GTF2A1: variants seen among roughly 807,000 people sequenced by gnomAD.
GTF2A1 encodes the protein transcription initiation factor IIA subunit 1.
A neutral mutation model predicts 54.1 loss-of-function variants in GTF2A1; 12 were observed. The ratio of observed to expected loss-of-function variants is 0.22; its 90% CI spans 0.14 to 0.36. GTF2A1 has a LOEUF of 0.36. GTF2A1 is among the 10% of genes least tolerant of loss of function. The probability of loss-of-function intolerance (pLI) is 1.00; values close to 1 mark genes in which losing one functional copy is unlikely to be tolerated. For missense variants in GTF2A1, 335 were observed against 442.2 expected (o/e 0.76, Z 2.17); for synonymous variants, 145 against 152.0 (o/e 0.95, Z 0.34).
At chr14:81,202,430 T>A (rs1893133520) in intron 3 of GTF2A1, among the ~76,000 whole-genome samples, 1 of 152,100 alleles carries the variant, frequency 6.6e-6, no homozygotes, top group Non-Finnish European at 1.5e-5. Context: ...CATCAGCTGT[T>A]TAAAAAATAC....
chr14:81,181,602 T>C (rs560843814), intron 8 of GTF2A1, among the ~76,000 whole-genome samples: 1 of 152,312 alleles, frequency 6.6e-6, no homozygotes, highest in East Asian at 1.9e-4. Flanking sequence ...TGGAGTGCAA[T>C]GGCACGATCT....
At chr14:81,184,864 T>TA (rs1045084805) in intron 8 of GTF2A1, among the ~76,000 whole-genome samples, 12 of 152,124 alleles carry the variant, frequency 7.9e-5, no homozygotes, top group Middle Eastern at 3.4e-3. Flanking sequence ...ATGATTGCAA[T>TA]AAAAAAACTG....
In GTF2A1 at chr14:81,180,216, C is replaced by T; in HGVS notation, c.*7G>A. ...TCTTTTATTTATAAAAGAAAAAAAG[C>T]AACTCTTCACCATTCTGCATCTCCA... is the stretch of plus-strand genomic sequence containing the variant. On this transcript the variant is annotated 3_prime_UTR_variant, in exon 9 of 9. Coordinates refer to ENST00000553612, the MANE Select transcript of GTF2A1 (RefSeq NM_015859.4). 2.0e-6 allele frequency: 2 copies of T among 1,015,066 alleles called. No individual in the cohort carries two copies. The highest frequency in any genetic ancestry group is 2.4e-5 in the Admixed American group (1 of 41,630). 62.9% of individuals were successfully genotyped at this position (1,015,066 alleles called of 1,614,324 possible).
chr14:81,192,890 T>C, intron 6 of GTF2A1, 51 bp from the exon 7 acceptor site: 1 of 1,011,726 alleles, frequency 9.9e-7, no homozygotes, highest in South Asian at 1.4e-5. Context: ...GGATCAAGTA[T>C]GGTACACAGA....
intron 8 of GTF2A1, among the ~76,000 whole-genome samples, chr14:81,182,282 C>T (rs891215339): frequency 3.3e-5 from 5 of 152,190 alleles, no homozygotes; most frequent in Admixed American, 3.3e-4. Context: ...TCTAAATACA[C>T]TACATAAATG....
At chr14:81,192,359 C>G (rs373391234) in intron 7 of GTF2A1, among the ~76,000 whole-genome samples, 160 bp downstream of exon 7, 1 of 151,982 alleles carries the variant, frequency 6.6e-6, no homozygotes, top group African/African-American at 2.4e-5. Flanking sequence ...AATATAAAAA[C>G]CTTACTAAAG....
intron 2 of GTF2A1, among the ~76,000 whole-genome samples, chr14:81,210,993 A>T (rs915180682): frequency 4.6e-5 from 7 of 152,194 alleles, no homozygotes; most frequent in Non-Finnish European, 1.0e-4. Context: ...GTGTTGACTA[A>T]TAACTAAAAC....
rs1465484426 is a variant in GTF2A1, at chr14:81,220,737, T to G, written c.-219A>C. 1.0e-5 allele frequency: 2 copies of G among 194,128 alleles called. No individual in the cohort carries two copies. Among genetic ancestry groups the G allele is most frequent in the Admixed American group, 1.4e-4 (2 of 14,558 alleles). 12.0% of individuals were successfully genotyped at this position (194,128 alleles called of 1,614,324 possible). ...CAGCTGAAAACCTCGAGAATCGCCTTAAAAAAAAAAAAAAAGCCACGACCC... is the reference window on the plus strand; with the variant it reads ...CAGCTGAAAACCTCGAGAATCGCCTGAAAAAAAAAAAAAAAGCCACGACCC... On this transcript the variant is annotated 5_prime_UTR_variant, in exon 1 of 9. Transcript: ENST00000553612.
Position 81,179,372 on chromosome 14 carries a change from A to C in GTF2A1, c.*851T>G, listed in dbSNP as rs780234643. On this transcript the variant is annotated 3_prime_UTR_variant, in exon 9 of 9. Transcript: ENST00000553612. ...GTCTACATATATTCATGTGTATACAATTTCAGCTAGATGGTATGCTTGCAA... is the reference window on the plus strand; with the variant it reads ...GTCTACATATATTCATGTGTATACACTTTCAGCTAGATGGTATGCTTGCAA... The C allele has an allele frequency of 6.6e-6, 1 of 152,200 alleles. No homozygotes were observed. The highest frequency in any genetic ancestry group is 1.5e-5 in the Non-Finnish European group (1 of 68,030). The allele number at this position is 152,200 out of a possible 1,614,324, so 9.4% of individuals were successfully genotyped here.
chr14:81,175,957 AAC>A lies in GTF2A1; in HGVS notation c.*4264_*4265del, dbSNP rs1280495524. ...TTAAAAGCTAGTATTAATCATTTGT[AAC>A]ACAGTTTACTAATTCAAATTGACAT... On this transcript the variant is annotated 3_prime_UTR_variant, in exon 9 of 9. Coordinates refer to ENST00000553612, the MANE Select transcript of GTF2A1 (RefSeq NM_015859.4). 1 of 152,316 alleles carries A rather than the reference AAC, an allele frequency of 6.6e-6. No individual in the cohort carries two copies. Among genetic ancestry groups the A allele is most frequent in the African/African-American group, 2.4e-5 (1 of 41,580 alleles). The allele number at this position is 152,316 out of a possible 1,614,324, so 9.4% of individuals were successfully genotyped here. A position where few individuals can be genotyped will look rare whatever the true frequency, so the allele number is the denominator to read the frequency against.
chr14:81,211,714 A>C (rs1595229220), intron 2 of GTF2A1, among the ~76,000 whole-genome samples: 1 of 151,952 alleles, frequency 6.6e-6, no homozygotes, highest in South Asian at 2.1e-4. Flanking sequence ...CTACTTTCAC[A>C]AAACATCTAG....
intron 3 of GTF2A1, among the ~76,000 whole-genome samples, 155 bp from the exon 4 acceptor site, chr14:81,201,813 T>C (rs766321210): frequency 4.6e-5 from 7 of 152,174 alleles, no homozygotes; most frequent in Non-Finnish European, 7.3e-5. Flanking sequence ...ACATTATAAA[T>C]GTATATGGCA....
rs1892610463 is a variant in GTF2A1 at position 81,180,191 on chromosome 14, T to G, written c.*32A>C. On this transcript the variant is annotated 3_prime_UTR_variant, in exon 9 of 9. Coordinates refer to ENST00000553612, the MANE Select transcript of GTF2A1 (RefSeq NM_015859.4). Reference sequence around the variant, plus strand: ...GTCCGCTTTACATTTTTTTTAAGTTTCTTTTATTTATAAAAGAAAAAAAGC... The same window carrying G: ...GTCCGCTTTACATTTTTTTTAAGTTGCTTTTATTTATAAAAGAAAAAAAGC... 1.3e-5 allele frequency: 11 copies of G among 876,490 alleles called. No homozygotes were observed. In the Admixed American group the frequency reaches 2.1e-4, roughly 17 times the overall value. The allele number at this position is 876,490 out of a possible 1,614,324, so 54.3% of individuals were successfully genotyped here.
chr14:81,221,082 G>A (rs549701108), upstream of GTF2A1: 3 of 153,098 alleles, frequency 2.0e-5, no homozygotes, highest in South Asian at 3.8e-4. Flanking sequence ...GAGCCGCGTT[G>A]TCACGCGCCG....
intron 1 of GTF2A1, among the ~76,000 whole-genome samples, chr14:81,217,602 C>A (rs1450331509): frequency 1.3e-5 from 2 of 152,180 alleles, no homozygotes; most frequent in East Asian, 3.9e-4. Context: ...GAGTTCAAGA[C>A]CAGCCTGGGT....
chr14:81,193,760 T>C (rs1045297967), intron 6 of GTF2A1, among the ~76,000 whole-genome samples: 6 of 152,306 alleles, frequency 3.9e-5, no homozygotes, highest in South Asian at 2.1e-4. Flanking sequence ...AAAAAATATA[T>C]ACTAACAAAT....
chr14:81,191,315 C>T (rs769714876), intron 7 of GTF2A1, among the ~76,000 whole-genome samples: 2 of 152,022 alleles, frequency 1.3e-5, no homozygotes, highest in South Asian at 2.1e-4. Flanking sequence ...GTTCAATGTT[C>T]GGTATAAAAT....
At chr14:81,181,794 G>A (rs189521161) in intron 8 of GTF2A1, among the ~76,000 whole-genome samples, 4 of 152,100 alleles carry the variant, frequency 2.6e-5, no homozygotes, top group Admixed American at 6.5e-5. Context: ...CCCCCACCTC[G>A]GCCTCCCAAA....
At chr14:81,186,854 G>C (rs967791714) in intron 7 of GTF2A1, among the ~76,000 whole-genome samples, 1 of 151,996 alleles carries the variant, frequency 6.6e-6, no homozygotes, top group African/African-American at 2.4e-5. Context: ...GGAGGATGAG[G>C]GTGGGAGGAT....
Sources: gnomAD v4.1 joint callset for allele counts (sites outside exome capture counted in the v4.1 genomes callset) on GRCh38, gnomAD v4.1.1 for gene constraint, MANE v1.5 for transcripts, NCBI Gene and HGNC (gene_info 2026-07-23, HGNC 2026-07-21) for gene names.